VPS13B: variants seen among roughly 807,000 people sequenced by gnomAD.
VPS13B encodes the protein vacuolar protein sorting 13 homolog B, also known as intermembrane lipid transfer protein VPS13B.
A neutral mutation model predicts 426.4 loss-of-function variants in VPS13B; 285 were observed. That is an observed-to-expected ratio of 0.67 (90% CI 0.61 to 0.74). VPS13B has a LOEUF of 0.74. Ranked by LOEUF, VPS13B falls within the 30% of genes least tolerant of loss-of-function variation. The pLI is 0.00. For synonymous variants in VPS13B, 1,676 were observed against 1,676.4 expected (o/e 1.00, Z 0.01); for missense variants, 4,537 against 4,782.6 (o/e 0.95, Z 1.51).
At chr8:99,403,976 GT>G (rs946861252) in intron 21 of VPS13B, among the ~76,000 whole-genome samples, 20 of 152,090 alleles carry the variant, frequency 1.3e-4, no homozygotes, top group Non-Finnish European at 2.5e-4. Context: ...CTTTGTTTTA[GT>G]TTTTTTAAAC....
In VPS13B at chr8:99,089,877, A is replaced by C. The variant is rs1391148962; in HGVS notation, c.292-6435A>C. The stretch of plus-strand genomic sequence containing the variant: ...ATTTCAAAATATGTATAAGGGTTAT[A>C]CTTTGATTTCTTTCAGGGCCTGTGA... On this transcript the variant is annotated intron_variant, in intron 3 of 61. Coordinates refer to ENST00000357162, the MANE Select transcript of VPS13B (RefSeq NM_152564.5). 2.6e-5 allele frequency among the ~76,000 whole-genome samples: 4 copies of C among 152,250 alleles called. No individual in the cohort carries two copies. In the East Asian group the frequency reaches 5.8e-4, roughly 22 times the overall value.
rs569800489 is a variant in VPS13B at position 99,015,555 on chromosome 8, C to T, written c.147+1620C>T. On this transcript the variant is annotated intron_variant, in intron 2 of 61. Coordinates refer to ENST00000357162, the MANE Select transcript of VPS13B (RefSeq NM_152564.5). ...AAAATGTTTTACACCTGTGCAACTA[C>T]TGTCCAATAAAAAAATGGAATGTTT... Among the ~76,000 whole-genome samples, 4 of 138,606 alleles carry T rather than the reference C, an allele frequency of 2.9e-5. No homozygotes were observed. In the South Asian group the frequency reaches 8.6e-4, roughly 30 times the overall value. The allele number at this position is 138,606 out of a possible 152,430, so 90.9% of individuals were successfully genotyped here.
intron 2 of VPS13B, among the ~76,000 whole-genome samples, chr8:99,026,576 A>C (rs766302527): frequency 6.6e-5 from 10 of 152,196 alleles, no homozygotes; most frequent in Non-Finnish European, 1.5e-4. Context: ...AATGGAGTCT[A>C]TCTCTCTCTT....
intron 54 of VPS13B, among the ~76,000 whole-genome samples, chr8:99,836,721 C>A (rs1257024324): frequency 6.6e-6 from 1 of 152,116 alleles, no homozygotes; most frequent in African/African-American, 2.4e-5. Flanking sequence ...TGGTTACAAA[C>A]CATATATTAA....
chr8:99,544,570 T>C (rs1823848933), intron 30 of VPS13B, among the ~76,000 whole-genome samples: 1 of 152,210 alleles, frequency 6.6e-6, no homozygotes, highest in South Asian at 2.1e-4. Context: ...AGTCTGACTA[T>C]AGTATTTAAT....
rs186904019 is a variant in VPS13B at position 99,770,807 on chromosome 8, G to A, written c.7247+3837G>A. Among the ~76,000 whole-genome samples the A allele has an allele frequency of 4.1e-4, 63 of 152,262 alleles. 1 individual carries two copies. The highest frequency in any genetic ancestry group is 1.2e-3 in the Admixed American group (19 of 15,292). ...GGTGCAGTCCAGAAAGCTCCCTTCC[G>A]GAGGCAAAGAAGAAGGTGGGGAATG... On this transcript the variant is annotated intron_variant, in intron 40 of 61. Transcript: ENST00000357162.
At chr8:99,459,236 G>A (rs567584830) in intron 23 of VPS13B, among the ~76,000 whole-genome samples, 10 of 152,250 alleles carry the variant, frequency 6.6e-5, no homozygotes, top group South Asian at 2.1e-4. Flanking sequence ...TGCCAGTTAC[G>A]TTGAGTTGGT....
rs1821536947 is a variant in VPS13B at position 99,507,053 on chromosome 8, A to G, written c.4158-84A>G. The G allele has an allele frequency of 2.5e-5, 36 of 1,466,246 alleles. No homozygotes were observed. The East Asian group carries it at 8.0e-4, about 32-fold the overall frequency. 90.8% of individuals were successfully genotyped at this position (1,466,246 alleles called of 1,614,324 possible). On this transcript the variant is annotated intron_variant, in intron 27 of 61. Coordinates refer to ENST00000357162, the MANE Select transcript of VPS13B (RefSeq NM_152564.5). Reference sequence around the variant, plus strand: ...TTCAGTGCAGTGTTGTGAACTTTAGACTTATTTGAAATAGTTATGTATGTT... The same window carrying G: ...TTCAGTGCAGTGTTGTGAACTTTAGGCTTATTTGAAATAGTTATGTATGTT...
At chr8:99,867,896 A>G (rs1817186767) in intron 58 of VPS13B, among the ~76,000 whole-genome samples, 1 of 152,212 alleles carries the variant, frequency 6.6e-6, no homozygotes, top group Non-Finnish European at 1.5e-5. Flanking sequence ...TTTCATCCTC[A>G]TGAATCAGTG....
chr8:99,225,541 T>C (rs1238431501), intron 17 of VPS13B, among the ~76,000 whole-genome samples: 1 of 152,164 alleles, frequency 6.6e-6, no homozygotes, highest in Non-Finnish European at 1.5e-5. Flanking sequence ...CTAACTGTTA[T>C]TTTCTAATCA....
chr8:99,674,731 G>A (rs1393446543), intron 35 of VPS13B, among the ~76,000 whole-genome samples: 1 of 151,456 alleles, frequency 6.6e-6, no homozygotes, highest in East Asian at 1.9e-4. Context: ...TTAATTTTTT[G>A]TGTATCTGCA....
chr8:99,828,380 G>T, intron 51 of VPS13B, among the ~76,000 whole-genome samples: 1 of 100,622 alleles, frequency 9.9e-6, no homozygotes, highest in Non-Finnish European at 2.0e-5. Context: ...TCAGAGACTA[G>T]GATTACAACC....
intron 27 of VPS13B, among the ~76,000 whole-genome samples, chr8:99,504,791 T>C (rs534101646): frequency 1.7e-4 from 26 of 152,310 alleles, no homozygotes; most frequent in African/African-American, 6.3e-4. Context: ...CATTCACCTT[T>C]AACAAGAGAG....
chr8:99,192,774 T>A, intron 16 of VPS13B, 102 bp from the exon 17 acceptor site: 1 of 1,220,276 alleles, frequency 8.2e-7, no homozygotes. Context: ...ATACATACTT[T>A]GGATGTATAC....
At chr8:99,086,375 G>A (rs909619498) in intron 3 of VPS13B, among the ~76,000 whole-genome samples, 4 of 152,038 alleles carry the variant, frequency 2.6e-5, no homozygotes, top group Non-Finnish European at 4.4e-5. Flanking sequence ...TTTTTTTCAA[G>A]GTTTGTAACT....
intron 2 of VPS13B, among the ~76,000 whole-genome samples, chr8:99,024,901 A>C (rs940777994): frequency 6.6e-6 from 1 of 152,068 alleles, no homozygotes; most frequent in Non-Finnish European, 1.5e-5. Context: ...TTTTAACAAC[A>C]GTTTTTCCAA....
intron 19 of VPS13B, among the ~76,000 whole-genome samples, chr8:99,324,844 A>T (rs887679312): frequency 6.6e-6 from 1 of 152,174 alleles, no homozygotes; most frequent in African/African-American, 2.4e-5. Flanking sequence ...TGTAGATTAC[A>T]TCTAGTTACA....
rs555629253 is a variant in VPS13B at position 99,581,057 on chromosome 8, C to T, written c.5220+3424C>T. Among the ~76,000 whole-genome samples, 15 of 148,828 alleles carry T rather than the reference C, an allele frequency of 1.0e-4. 1 individual carries two copies. The highest frequency in any genetic ancestry group is 8.1e-4 in the Admixed American group (12 of 14,790). On this transcript the variant is annotated intron_variant, in intron 33 of 61. Coordinates refer to ENST00000357162, the MANE Select transcript of VPS13B (RefSeq NM_152564.5). ...AATTAGGCAGGCATGGTGGCATGTG[C>T]CTTTAGTCTCTGCTACTTGCAGGGC...
intron 25 of VPS13B, among the ~76,000 whole-genome samples, chr8:99,500,234 G>A (rs2133605981): frequency 1.3e-5 from 2 of 152,212 alleles, no homozygotes; most frequent in Middle Eastern, 3.4e-3. Flanking sequence ...TGACTCGTTA[G>A]CACAGGAAAT....
Sources: allele counts gnomAD v4.1 joint callset (sites outside exome capture counted in the v4.1 genomes callset), GRCh38; gene constraint gnomAD v4.1.1; transcripts MANE v1.5; gene names NCBI Gene and HGNC (gene_info 2026-07-23, HGNC 2026-07-21).